The following FZD3 variants were observed in gnomAD, a reference collection of about 807,000 sequenced individuals.
The protein encoded by FZD3 is frizzled-3.
A neutral mutation model predicts 60.7 loss-of-function variants in FZD3; 30 were observed. The ratio of observed to expected loss-of-function variants is 0.49; its 90% confidence interval spans 0.37 to 0.67. The LOEUF (loss-of-function observed/expected upper bound fraction) is 0.67, where lower values mean the gene tolerates loss of function less well. Ranked by LOEUF, FZD3 falls within the 30% of genes least tolerant of loss-of-function variation. The pLI is 0.00. For synonymous variants in FZD3, 246 were observed against 275.2 expected, an observed-to-expected ratio of 0.89 and a Z score of 1.05; for missense variants, 605 against 838.7, an observed-to-expected ratio of 0.72 and a Z score of 3.44.
chr8:28,528,478 A>G (rs1426810882), intron 5 of FZD3, among the ~76,000 whole-genome samples: 1 of 152,052 alleles, frequency 6.6e-6, no homozygotes, highest in Non-Finnish European at 1.5e-5. Context: ...ACGTTTATAA[A>G]AATTTGCTTT....
rs185721863 is a variant in FZD3, at chr8:28,511,324, A to G, written c.189+8122A>G. Among the ~76,000 whole-genome samples, 639 of 152,198 alleles carry G rather than the reference A, an allele frequency of 4.2e-3. 3 individuals are homozygous for G. Among genetic ancestry groups the G allele is most frequent in the African/African-American group, 0.015 (615 of 41,554 alleles). On this transcript the variant is annotated intron_variant, in intron 3 of 7. Transcript: ENST00000240093. ...AACATGGTGAAACCCCGTCTCTACT[A>G]AAAATACAAAAATTAGCTGGGCGTG... is the stretch of plus-strand genomic sequence containing the variant.
At chr8:28,556,930 A>G (rs1805519257) in intron 7 of FZD3, among the ~76,000 whole-genome samples, 1 of 152,238 alleles carries the variant, frequency 6.6e-6, no homozygotes, top group Non-Finnish European at 1.5e-5. Flanking sequence ...GAAATGAGAC[A>G]CTAGAATTAG....
intron 4 of FZD3, among the ~76,000 whole-genome samples, chr8:28,522,285 A>C (rs1804601741): frequency 6.6e-6 from 1 of 152,032 alleles, no homozygotes; most frequent in Non-Finnish European, 1.5e-5. Context: ...GAAAAAAAAA[A>C]CAGTGTTATT....
rs768303467 is a variant in FZD3, at chr8:28,571,473, C to A, written c.*8462C>A. On this transcript the variant is annotated 3_prime_UTR_variant, in exon 8 of 8. Coordinates refer to ENST00000240093, the MANE Select transcript of FZD3 (RefSeq NM_017412.4). The stretch of plus-strand genomic sequence containing the variant: ...AATTTTTAAAATCATATATGGGACT[C>A]CCCAATGTGAAAATATTAGTCTGGA... 2.0e-5 allele frequency: 3 copies of A among 152,062 alleles called. No homozygotes were observed. The highest frequency in any genetic ancestry group is 4.4e-5 in the Non-Finnish European group (3 of 68,004). 9.4% of individuals were successfully genotyped at this position (152,062 alleles called of 1,614,324 possible).
chr8:28,505,804 A>C (rs1804123718), intron 3 of FZD3, among the ~76,000 whole-genome samples: 1 of 152,182 alleles, frequency 6.6e-6, no homozygotes, highest in African/African-American at 2.4e-5. Context: ...ATCTTCTTAC[A>C]TTGTGTCTAC....
In FZD3 at chr8:28,566,768, TAC is replaced by T; in HGVS notation, c.*3759_*3760del. 1 of 152,314 alleles carries T rather than the reference TAC, an allele frequency of 6.6e-6. No homozygotes were observed. Among genetic ancestry groups the T allele is most frequent in the East Asian group, 1.9e-4 (1 of 5,178 alleles). The allele number at this position is 152,314 out of a possible 1,614,324, so 9.4% of individuals were successfully genotyped here. A position where few individuals can be genotyped will look rare whatever the true frequency, so the allele number is the denominator to read the frequency against. ...TACATATTACCATATTTGGATGACTTACATAGTCTGGTGTAATGAAAATTCCC... is the reference window on the plus strand; with the variant it reads ...TACATATTACCATATTTGGATGACTTATAGTCTGGTGTAATGAAAATTCCC... On this transcript the variant is annotated 3_prime_UTR_variant, in exon 8 of 8. Coordinates refer to ENST00000240093, the MANE Select transcript of FZD3 (RefSeq NM_017412.4).
chr8:28,513,176 T>G (rs1045569055), intron 3 of FZD3, among the ~76,000 whole-genome samples: 1 of 152,186 alleles, frequency 6.6e-6, no homozygotes, highest in Non-Finnish European at 1.5e-5. Flanking sequence ...TTCTGAAATT[T>G]TTAATTTATT....
intron 5 of FZD3, among the ~76,000 whole-genome samples, chr8:28,540,233 A>T (rs117315053): frequency 6.6e-6 from 1 of 152,066 alleles, no homozygotes; most frequent in South Asian, 2.1e-4. Context: ...ACATCAGGTA[A>T]GTTTTGTTTT....
intron 5 of FZD3, among the ~76,000 whole-genome samples, chr8:28,535,609 C>G (rs952482723): frequency 6.6e-6 from 1 of 152,138 alleles, no homozygotes; most frequent in Admixed American, 6.5e-5. Context: ...AGCAAGAACA[C>G]TCATTTTTAA....
chr8:28,555,729 G>A lies in FZD3; in HGVS notation c.1554-9G>A. ...GTATGTATCTTAAACTTACTATTTT[G>A]TTGTCTAGGATAGTGAATGAGAGCC... On this transcript the variant is annotated splice_polypyrimidine_tract_variant and intron_variant, in intron 6 of 7. Coordinates refer to ENST00000240093, the MANE Select transcript of FZD3 (RefSeq NM_017412.4). 2 of 1,506,838 alleles carry A rather than the reference G, an allele frequency of 1.3e-6. No individual in the cohort carries two copies. Among genetic ancestry groups the A allele is most frequent in the Non-Finnish European group, 1.8e-6 (2 of 1,082,508 alleles). 93.3% of individuals were successfully genotyped at this position (1,506,838 alleles called of 1,614,324 possible).
At chr8:28,516,810 CCTCT>C (rs1166099402) in intron 3 of FZD3, among the ~76,000 whole-genome samples, 1 of 151,028 alleles carries the variant, frequency 6.6e-6, no homozygotes. Context: ...TGTTTGTTTT[CCTCT>C]CTGTTACTTT....
Position 28,573,619 on chromosome 8 carries a change from A to G in FZD3, c.*10608A>G, listed in dbSNP as rs1387162061. On this transcript the variant is annotated 3_prime_UTR_variant, in exon 8 of 8. Coordinates refer to ENST00000240093, the MANE Select transcript of FZD3 (RefSeq NM_017412.4). ...AGCATCCTAGATCTCCTTCACCCTC[A>G]TTCTACCTGACAGACAGCTAGGTCT... is the stretch of plus-strand genomic sequence containing the variant. 1 of 150,426 alleles carries G rather than the reference A, an allele frequency of 6.6e-6. No individual in the cohort carries two copies. Among genetic ancestry groups the G allele is most frequent in the Non-Finnish European group, 1.5e-5 (1 of 67,656 alleles). 9.3% of individuals were successfully genotyped at this position (150,426 alleles called of 1,614,324 possible).
chr8:28,543,776 A>G (rs1036322611), intron 5 of FZD3, among the ~76,000 whole-genome samples: 7 of 152,180 alleles, frequency 4.6e-5, no homozygotes, highest in African/African-American at 1.4e-4. Context: ...CTAATATAAT[A>G]GATTTTTTAA....
chr8:28,513,545 G>GT (rs1179836321), intron 3 of FZD3, among the ~76,000 whole-genome samples: 4 of 151,912 alleles, frequency 2.6e-5, no homozygotes, highest in Non-Finnish European at 5.9e-5. Context: ...AAAGTTTTTT[G>GT]TTTTTTTATT....
At chr8:28,561,877 G>A (rs1805619541) in intron 7 of FZD3, among the ~76,000 whole-genome samples, 1 of 152,118 alleles carries the variant, frequency 6.6e-6, no homozygotes, top group Non-Finnish European at 1.5e-5. Flanking sequence ...AGCTCCATAA[G>A]CAAAGGCCTA....
Position 28,534,877 on chromosome 8 carries a change from T to C in FZD3, c.1404+6713T>C, listed in dbSNP as rs182743528. Among the ~76,000 whole-genome samples, 17 of 152,346 alleles carry C rather than the reference T, an allele frequency of 1.1e-4. No individual in the cohort carries two copies. The South Asian group carries it at 2.9e-3, about 26-fold the overall frequency. On this transcript the variant is annotated intron_variant, in intron 5 of 7. Transcript: ENST00000240093. ...ATACTTGAATAAAGATCTGCTGTTATTGAGTGTGCCTTATAGAACACTTAG... is the reference window on the plus strand; with the variant it reads ...ATACTTGAATAAAGATCTGCTGTTACTGAGTGTGCCTTATAGAACACTTAG...
At chr8:28,562,664 A>G (rs955353655) in intron 7 of FZD3, 134 bp from the exon 8 acceptor site, 2 of 635,876 alleles carry the variant, frequency 3.1e-6, no homozygotes, top group African/African-American at 1.8e-5. Context: ...TAAGCAATCA[A>G]AAGTTGGTTA....
intron 7 of FZD3, among the ~76,000 whole-genome samples, chr8:28,557,492 G>C (rs1234730876): frequency 6.8e-6 from 1 of 146,150 alleles, no homozygotes; most frequent in Non-Finnish European, 1.5e-5. Flanking sequence ...TTAATCTTCT[G>C]TCTGTTTCCT....
In FZD3 at chr8:28,527,075, A is replaced by C; in HGVS notation, c.387-72A>C. ...ATAAGGTTGTGAGTGCCAGATTTGGAAATCCAAACTGTTAGATCGTGATAG... is the reference window on the plus strand; with the variant it reads ...ATAAGGTTGTGAGTGCCAGATTTGGCAATCCAAACTGTTAGATCGTGATAG... On this transcript the variant is annotated intron_variant, in intron 4 of 7. Coordinates refer to ENST00000240093, the MANE Select transcript of FZD3 (RefSeq NM_017412.4). This position sits in a 1 kb window ranked among gnomAD's most constrained non-coding sequence, Gnocchi z 5.0. 1 of 1,338,420 alleles carries C rather than the reference A, an allele frequency of 7.5e-7. No homozygotes were observed. The allele number at this position is 1,338,420 out of a possible 1,614,324, so 82.9% of individuals were successfully genotyped here. A position where few individuals can be genotyped will look rare whatever the true frequency, so the allele number is the denominator to read the frequency against.
Sources: gnomAD v4.1 joint callset for allele counts (sites outside exome capture counted in the v4.1 genomes callset) on GRCh38, gnomAD v4.1.1 for gene constraint, Gnocchi (gnomAD v3.1) non-coding constraint, MANE v1.5 for transcripts, NCBI Gene and HGNC (gene_info 2026-07-23, HGNC 2026-07-21) for gene names.